SRCIN1: variants seen among roughly 807,000 people sequenced by gnomAD.
SRCIN1 encodes P130Cas-associated protein.
Under a neutral mutation model 116.2 loss-of-function variants are expected in SRCIN1, and 50 were observed. The observed-to-expected ratio is 0.43, with a 90% CI of 0.34 to 0.54. The LOEUF (loss-of-function observed/expected upper bound fraction) is 0.54, where lower values mean the gene tolerates loss of function less well. Ranked by LOEUF, SRCIN1 falls within the 20% of genes least tolerant of loss-of-function variation. SRCIN1 has a pLI of 0.02. For synonymous variants in SRCIN1, 736 were observed against 750.0 expected (o/e 0.98, Z 0.30); for missense variants, 1,446 against 1,672.0 (o/e 0.86, Z 2.36).
Position 38,560,349 on chromosome 17 carries a change from C to T in SRCIN1, c.1777G>A (p.Glu593Lys). 2 of 1,610,448 alleles carry T rather than the reference C, an allele frequency of 1.2e-6. No individual in the cohort carries two copies. The highest frequency in any genetic ancestry group is 1.7e-6 in the Non-Finnish European group (2 of 1,178,432). ...LVQSALLRGS[E>K]PETPSEKIEG... ...GGGCCTCACCTGGGGGTCTCAGGCT[C>T]AGAGCCTCGCAGTAAGGCGCTCTGC... Residue 593 changes from glutamate to lysine, a missense_variant, in exon 8 of 19, where the codon GAG becomes AAG. Physicochemically the swap from Glu to Lys is moderately conservative, Grantham distance 56. This residue lies in a region of SRCIN1 where 398 missense variants were observed against 385.6 expected (regional missense o/e 1.03). Coordinates refer to ENST00000617146, the MANE Select transcript of SRCIN1 (RefSeq NM_025248.3).
intron 3 of SRCIN1, 57 bp from the exon 4 acceptor site, chr17:38,564,370 G>A: frequency 6.8e-7 from 1 of 1,465,154 alleles, no homozygotes; most frequent in African/African-American, 1.4e-5. Flanking sequence ...CCTCCCCTTT[G>A]CTTGTCACTG....
chr17:38,547,846 G>T (rs759290791), intron 17 of SRCIN1: 19 of 208,146 alleles, frequency 9.1e-5, no homozygotes, highest in African/African-American at 3.4e-4. Flanking sequence ...GGCGGGGCGT[G>T]GGGGGGAGGG....
At chr17:38,594,852 C>T (rs934821855) in intron 1 of SRCIN1, among the ~76,000 whole-genome samples, 1 of 152,134 alleles carries the variant, frequency 6.6e-6, no homozygotes, top group Non-Finnish European at 1.5e-5. Context: ...GCTTCCCCTG[C>T]CCATACACCC....
chr17:38,541,068 T>C (rs1232061793), intron 18 of SRCIN1, among the ~76,000 whole-genome samples: 1 of 151,652 alleles, frequency 6.6e-6, no homozygotes, highest in Non-Finnish European at 1.5e-5. Flanking sequence ...TGAAACCCCA[T>C]CTCTACTAAA....
chr17:38,545,207 G>A (rs2143036142), intron 17 of SRCIN1: 1 of 153,372 alleles, frequency 6.5e-6, no homozygotes, highest in South Asian at 2.1e-4. Flanking sequence ...CCTCCACCCA[G>A]TCTCTTCAGA....
chr17:38,538,536 C>T (rs1440640095), intron 18 of SRCIN1, among the ~76,000 whole-genome samples: 1 of 152,094 alleles, frequency 6.6e-6, no homozygotes, highest in African/African-American at 2.4e-5. Flanking sequence ...ACCCTGGAAT[C>T]CCCCTGCTTC....
intron 18 of SRCIN1, among the ~76,000 whole-genome samples, chr17:38,543,453 G>T (rs1055285833): frequency 6.6e-6 from 1 of 152,202 alleles, no homozygotes; most frequent in Admixed American, 6.5e-5. Flanking sequence ...TGCACCCCAG[G>T]GTAGGCCAGG....
intron 1 of SRCIN1, among the ~76,000 whole-genome samples, chr17:38,591,702 G>A (rs958023960): frequency 5.0e-4 from 76 of 152,232 alleles, no homozygotes; most frequent in African/African-American, 1.6e-3. Flanking sequence ...GGGCCAGCCT[G>A]ACTCCTCCTG....
Position 38,533,222 on chromosome 17 carries a change from G to A in SRCIN1, c.*75C>T. The A allele has an allele frequency of 2.0e-6, 3 of 1,488,668 alleles. No homozygotes were observed. Among genetic ancestry groups the A allele is most frequent in the Non-Finnish European group, 2.7e-6 (3 of 1,118,432 alleles). The allele number at this position is 1,488,668 out of a possible 1,614,324, so 92.2% of individuals were successfully genotyped here. A position where few individuals can be genotyped will look rare whatever the true frequency, so the allele number is the denominator to read the frequency against. ...TCTGGAGAGTAGGGTGGGGTGGGGT[G>A]GAGATGAAGGAAGAGAGGGGAGAAA... On this transcript the variant is annotated 3_prime_UTR_variant, in exon 19 of 19. Coordinates refer to ENST00000617146, the MANE Select transcript of SRCIN1 (RefSeq NM_025248.3).
intron 2 of SRCIN1, among the ~76,000 whole-genome samples, chr17:38,571,565 C>T (rs1013184289): frequency 6.6e-6 from 1 of 152,158 alleles, no homozygotes; most frequent in Non-Finnish European, 1.5e-5. Flanking sequence ...TCTTCCAGTG[C>T]CAAAGCTGTC....
intron 7 of SRCIN1, 35 bp downstream of exon 7, chr17:38,561,427 AC>A: frequency 6.8e-7 from 1 of 1,466,144 alleles, no homozygotes; most frequent in Non-Finnish European, 9.0e-7. Flanking sequence ...CGCACCCCCC[AC>A]CCCCAGTCCC....
At chr17:38,538,877 C>T (rs1904556084) in intron 18 of SRCIN1, among the ~76,000 whole-genome samples, 1 of 152,132 alleles carries the variant, frequency 6.6e-6, no homozygotes, top group Non-Finnish European at 1.5e-5. Context: ...AATCGCATAT[C>T]TCTCTGTGCC....
rs751482134 is a variant in SRCIN1, at chr17:38,548,628, A to G, written c.3199T>C (p.Ser1067Pro). 3.1e-6 allele frequency: 5 copies of G among 1,613,094 alleles called. No homozygotes were observed. The South Asian group carries it at 5.5e-5, about 18-fold the overall frequency. Residue 1067 changes from serine (S) to proline (P), a missense_variant, in exon 17 of 19, where the codon TCC becomes CCC. Around this residue, in one of 5 missense-constraint regions of SRCIN1, gnomAD observed 531 missense variants for 633.9 expected, o/e 0.84. Transcript: ENST00000617146. ...GCCGAGGCCATGATGGGTGGTGTGG[A>G]GGCTGGGCGGGCCACCTCAGACACA... ...RAVSEVARPA[S>P]TPPIMASAIK...
At chr17:38,569,890 G>C (rs1191652567) in intron 2 of SRCIN1, among the ~76,000 whole-genome samples, 3 of 152,284 alleles carry the variant, frequency 2.0e-5, no homozygotes, top group African/African-American at 4.8e-5. Context: ...GGGTAGCAGA[G>C]GGAGTGGACA....
Position 38,585,848 on chromosome 17 carries a change from C to T in SRCIN1, c.23-7057G>A, listed in dbSNP as rs1908083726. 6.6e-6 allele frequency among the ~76,000 whole-genome samples: 1 copy of T among 152,042 alleles called. No individual in the cohort carries two copies. The highest frequency in any genetic ancestry group is 2.4e-5 in the African/African-American group (1 of 41,396). Reference sequence around the variant, plus strand: ...ATGAGGGCGTGTGATGGGGGAAGGGCGATGGGGGGAAGGAGGCAGCTGGAC... The same window carrying T: ...ATGAGGGCGTGTGATGGGGGAAGGGTGATGGGGGGAAGGAGGCAGCTGGAC... On this transcript the variant is annotated intron_variant, in intron 1 of 18. Transcript: ENST00000617146. This position sits in a 1 kb window ranked among gnomAD's most constrained non-coding sequence, Gnocchi z 4.2.
Position 38,562,263 on chromosome 17 carries a change from C to A in SRCIN1, c.900G>T (p.Ala300=). The A allele has an allele frequency of 6.8e-7, 1 of 1,474,474 alleles. No homozygotes were observed. The highest frequency in any genetic ancestry group is 8.9e-7 in the Non-Finnish European group (1 of 1,121,844). 91.3% of individuals were successfully genotyped at this position (1,474,474 alleles called of 1,614,324 possible). A position where few individuals can be genotyped will look rare whatever the true frequency, so the allele number is the denominator to read the frequency against. Residue 300 remains alanine (A), a synonymous_variant, in exon 7 of 19, where the codon GCG becomes GCT. Coordinates refer to ENST00000617146, the MANE Select transcript of SRCIN1 (RefSeq NM_025248.3). The surrounding 1 kb of genome is among the most constrained non-coding windows in gnomAD (Gnocchi z 4.2). ...PTRRLNNLSP[A]PHLASGSPPP... Reference sequence around the variant, plus strand: ...GCGGCGAGCCGGATGCCAGGTGCGGCGCTGGTGACAGGTTGTTGAGGCGCC... The same window carrying A: ...GCGGCGAGCCGGATGCCAGGTGCGGAGCTGGTGACAGGTTGTTGAGGCGCC...
intron 7 of SRCIN1, 95 bp downstream of exon 7, chr17:38,561,368 G>T: frequency 1.5e-6 from 2 of 1,363,388 alleles, no homozygotes; most frequent in East Asian, 5.8e-5. Flanking sequence ...CAGGATCTCA[G>T]TCCAGGACAC....
chr17:38,556,969 G>A (rs916283486), intron 11 of SRCIN1, among the ~76,000 whole-genome samples: 1 of 152,166 alleles, frequency 6.6e-6, no homozygotes, highest in Non-Finnish European at 1.5e-5. Context: ...AAAGGGACAA[G>A]GAAAGGATAG....
intron 1 of SRCIN1, among the ~76,000 whole-genome samples, chr17:38,592,761 A>G (rs766691407): frequency 6.6e-6 from 1 of 152,216 alleles, no homozygotes; most frequent in Non-Finnish European, 1.5e-5. Context: ...TGGGGATGCC[A>G]AGATGAATGA....
Sources: allele counts gnomAD v4.1 joint callset (sites outside exome capture counted in the v4.1 genomes callset), GRCh38; gene constraint gnomAD v4.1.1; regional missense constraint gnomAD v4.1.1; non-coding constraint Gnocchi (gnomAD v3.1); transcripts MANE v1.5; gene names NCBI Gene and HGNC (gene_info 2026-07-23, HGNC 2026-07-21).